The following TXNDC16 variants were observed in gnomAD, a reference collection of about 807,000 sequenced individuals.
The protein encoded by TXNDC16 is thioredoxin domain containing 16.
In TXNDC16, 74 loss-of-function variants were observed where a neutral mutation model predicts 85.6. That is an observed-to-expected ratio of 0.86 (90% CI 0.72 to 1.05). The LOEUF (loss-of-function observed/expected upper bound fraction) is 1.05. Among genes scored for constraint, TXNDC16 ranks in the 50% least tolerant of loss-of-function variants. The pLI, the probability that TXNDC16 is intolerant of heterozygous loss-of-function variation, is 0.00. For missense variants in TXNDC16, 959 were observed against 947.0 expected, an observed-to-expected ratio of 1.01 and a Z score of -0.17; for synonymous variants, 335 against 326.5, an observed-to-expected ratio of 1.03 and a Z score of -0.28.
chr14:52,501,171 C>T (rs925456890), intron 9 of TXNDC16, among the ~76,000 whole-genome samples: 1 of 151,946 alleles, frequency 6.6e-6, no homozygotes, highest in African/African-American at 2.4e-5. Flanking sequence ...TTCAGTTTGA[C>T]ATGATCAAAA....
At chr14:52,529,235 C>A (rs1180172849) in intron 6 of TXNDC16, among the ~76,000 whole-genome samples, 1 of 149,396 alleles carries the variant, frequency 6.7e-6, no homozygotes, top group Non-Finnish European at 1.5e-5. Flanking sequence ...GGACAAAAAA[C>A]CAAACACCGC....
chr14:52,493,216 T>TATATATATATATATATATATACACAC, intron 9 of TXNDC16, among the ~76,000 whole-genome samples: 102 of 115,914 alleles, frequency 8.8e-4, no homozygotes, highest in African/African-American at 3.5e-3. Context: ...TATATATATA[T>TATATATATATATATATATATACACAC]ACACACACAC....
At chr14:52,532,537 CA>C (rs1196146491) in intron 6 of TXNDC16, among the ~76,000 whole-genome samples, 1 of 152,016 alleles carries the variant, frequency 6.6e-6, no homozygotes, top group Non-Finnish European at 1.5e-5. Flanking sequence ...CCCGGATTCA[CA>C]CCATTCTCCT....
intron 2 of TXNDC16, among the ~76,000 whole-genome samples, chr14:52,543,969 T>C (rs2037889186): frequency 6.6e-6 from 1 of 152,170 alleles, no homozygotes; most frequent in Non-Finnish European, 1.5e-5. Context: ...TTACCTATAG[T>C]TGATTATAAG....
At position 52,440,650 on chromosome 14, in the gene TXNDC16, G is replaced by A. The variant is rs995311374; in HGVS notation, c.1917C>T (p.Gly639=). ...CTTTTTTATACTGAGGATTTACAGTGCCATCACTGAACAAAATCAATAATG... is the reference window on the plus strand; with the variant it reads ...CTTTTTTATACTGAGGATTTACAGTACCATCACTGAACAAAATCAATAATG... The part of the protein sequence containing the change: ...QKPLLILFSD[G]TVNPQYKKAI... Residue 639 remains glycine, a synonymous_variant, in exon 19 of 21, where the codon GGC becomes GGT. Transcript: ENST00000281741. 1.2e-6 allele frequency: 2 copies of A among 1,610,586 alleles called. No homozygotes were observed. The highest frequency in any genetic ancestry group is 1.3e-5 in the African/African-American group (1 of 74,718).
intron 18 of TXNDC16, among the ~76,000 whole-genome samples, chr14:52,452,930 C>T (rs1460385631): frequency 6.6e-6 from 1 of 151,918 alleles, no homozygotes; most frequent in Non-Finnish European, 1.5e-5. Context: ...TGCAAACTAC[C>T]CATCTGACAA....
intron 20 of TXNDC16, among the ~76,000 whole-genome samples, chr14:52,438,939 A>G (rs942281168): frequency 6.6e-6 from 1 of 152,170 alleles, no homozygotes; most frequent in Non-Finnish European, 1.5e-5. Context: ...GGCATAAATT[A>G]CCAAAATCAT....
chr14:52,501,521 A>T (rs1013821460), intron 9 of TXNDC16, among the ~76,000 whole-genome samples: 4 of 152,196 alleles, frequency 2.6e-5, no homozygotes, highest in Admixed American at 1.3e-4. Flanking sequence ...ACCATGATTA[A>T]ACCCCAAGGG....
At chr14:52,485,172 T>C (rs1179407212) in intron 12 of TXNDC16, among the ~76,000 whole-genome samples, 1 of 152,214 alleles carries the variant, frequency 6.6e-6, no homozygotes, top group Non-Finnish European at 1.5e-5. Context: ...GTAATATGGA[T>C]GATCTTGATC....
At position 52,488,458 on chromosome 14, in the gene TXNDC16, T is replaced by C. The variant is rs764365903; in HGVS notation, c.1013A>G (p.His338Arg). 5.6e-6 allele frequency: 9 copies of C among 1,606,970 alleles called. No individual in the cohort carries two copies. The highest frequency in any genetic ancestry group is 7.7e-6 in the Non-Finnish European group (9 of 1,174,392). Residue 338 changes from histidine to arginine, a missense_variant, in exon 12 of 21, where the codon CAT becomes CGT. Coordinates refer to ENST00000281741, the MANE Select transcript of TXNDC16 (RefSeq NM_020784.3). ...ATGAGATATTATTAAATCAACATCA[T>C]GTAATACCAAAAATTCCACTGGAAC... The part of the protein sequence containing the change: ...EGVPVEFLVL[H>R]DVDLIISHVE...
chr14:52,488,464 AC>A lies in TXNDC16; in HGVS notation c.1006del (p.Val336TyrfsTer7). ...TATTATTAAATCAACATCATGTAATACCAAAAATTCCACTGGAACTCCCTAG... is the reference window on the plus strand; with the variant it reads ...TATTATTAAATCAACATCATGTAATACAAAAATTCCACTGGAACTCCCTAG... ...AEEGVPVEFL[V>X]LHDVDLIISH... is the part of the protein sequence containing the mutation. On this transcript the variant is annotated frameshift_variant, in exon 12 of 21. Transcript: ENST00000281741. LOFTEE classifies it high-confidence loss of function. 1 of 1,604,576 alleles carries A rather than the reference AC, an allele frequency of 6.2e-7. No individual in the cohort carries two copies. Among genetic ancestry groups the A allele is most frequent in the Non-Finnish European group, 8.5e-7 (1 of 1,172,392 alleles).
At position 52,464,382 on chromosome 14, in the gene TXNDC16, T is replaced by C. The variant is rs568544190; in HGVS notation, c.1618+5655A>G. On this transcript the variant is annotated intron_variant, in intron 16 of 20. Coordinates refer to ENST00000281741, the MANE Select transcript of TXNDC16 (RefSeq NM_020784.3). ...TACATAATTACCCCCTACTGTTTTA[T>C]TGCTGAGTTTTTACACTGTTTTCAA... is the stretch of plus-strand genomic sequence containing the variant. Among the ~76,000 whole-genome samples, 140 of 152,328 alleles carry C rather than the reference T, an allele frequency of 9.2e-4. 2 individuals carry two copies. The highest frequency in any genetic ancestry group is 3.4e-3 in the Middle Eastern group (1 of 294).
intron 18 of TXNDC16, among the ~76,000 whole-genome samples, chr14:52,454,073 G>C (rs560988636): frequency 6.6e-6 from 1 of 152,280 alleles, no homozygotes; most frequent in South Asian, 2.1e-4. Flanking sequence ...GTAAACACTT[G>C]AGGTAATGGA....
At chr14:52,501,739 C>T (rs919740816) in intron 9 of TXNDC16, among the ~76,000 whole-genome samples, 1 of 152,138 alleles carries the variant, frequency 6.6e-6, no homozygotes, top group Non-Finnish European at 1.5e-5. Context: ...GGGTATAACC[C>T]GTTAGAACAA....
chr14:52,529,701 A>ATACATATAATGCCTATTATATATAT (rs2037441243), intron 6 of TXNDC16, among the ~76,000 whole-genome samples: 3 of 39,188 alleles, frequency 7.7e-5, no homozygotes, highest in African/African-American at 5.3e-4. Context: ...ATTATATATA[A>ATACATATAATGCCTATTATATATAT]TATATATAAT....
intron 16 of TXNDC16, among the ~76,000 whole-genome samples, chr14:52,463,905 C>CA (rs1329146360): frequency 6.6e-6 from 1 of 151,606 alleles, no homozygotes; most frequent in African/African-American, 2.4e-5. Flanking sequence ...TCAGTGTTTG[C>CA]AAAAAAACAA....
At chr14:52,436,744 T>C (rs2035036921) in intron 20 of TXNDC16, among the ~76,000 whole-genome samples, 1 of 152,288 alleles carries the variant, frequency 6.6e-6, no homozygotes, top group East Asian at 1.9e-4. Context: ...ATATACATAA[T>C]GGTAGATTCA....
intron 6 of TXNDC16, among the ~76,000 whole-genome samples, chr14:52,530,060 AT>A (rs2037464272): frequency 1.1e-5 from 1 of 89,194 alleles, no homozygotes; most frequent in Non-Finnish European, 1.9e-5. Context: ...TATACATTAT[AT>A]TTATATATTA....
rs2037067705 is a variant in TXNDC16, at chr14:52,515,693, G to A, written c.515-723C>T. Among the ~76,000 whole-genome samples, 8 of 151,534 alleles carry A rather than the reference G, an allele frequency of 5.3e-5. No homozygotes were observed. In the South Asian group the frequency reaches 1.7e-3, roughly 32 times the overall value. ...TATGTGTGTGTGTGTGTGTGTGTGT[G>A]TGTGTGTGTGTGTGTGTATCATATA... On this transcript the variant is annotated intron_variant, in intron 7 of 20. Transcript: ENST00000281741.
Sources: allele counts gnomAD v4.1 joint callset (sites outside exome capture counted in the v4.1 genomes callset), GRCh38; gene constraint gnomAD v4.1.1; transcripts MANE v1.5; gene names NCBI Gene and HGNC (gene_info 2026-07-23, HGNC 2026-07-21).